The following RAI1 variants were observed in gnomAD, a reference collection of about 807,000 sequenced individuals.
The protein encoded by RAI1 is retinoic acid induced 1, also known as retinoic acid-induced protein 1.
A neutral mutation model predicts 123.8 loss-of-function variants in RAI1; 9 were observed. The observed-to-expected ratio is 0.07, with a 90% CI of 0.04 to 0.13. RAI1 has a LOEUF of 0.13. RAI1 is among the 10% of genes least tolerant of loss of function. The pLI, the probability that RAI1 is intolerant of heterozygous loss-of-function variation, is 1.00. For missense variants in RAI1, 2,256 were observed against 2,545.8 expected (o/e 0.89, Z 2.45); for synonymous variants, 1,231 against 1,127.3 (o/e 1.09, Z -1.84).
At chr17:17,712,997 G>C (rs1015633618) in intron 1 of RAI1, among the ~76,000 whole-genome samples, 12 of 152,128 alleles carry the variant, frequency 7.9e-5, no homozygotes, top group Admixed American at 2.0e-4. Context: ...GTGGGGAAAT[G>C]GGGGGTGACT....
At chr17:17,756,402 G>C (rs552168470) in intron 2 of RAI1, among the ~76,000 whole-genome samples, 4 of 152,104 alleles carry the variant, frequency 2.6e-5, no homozygotes, top group African/African-American at 9.6e-5. Context: ...TCTCCATGTT[G>C]GTCAGGCTGG....
chr17:17,789,911 G>C lies in RAI1; in HGVS notation c.-16-3022G>C, dbSNP rs1441724416. ...CAGTGGGTGGGGGGTGCCCTCCCTT[G>C]TCCCCTCTCACCACCCCTTCTCCCT... On this transcript the variant is annotated intron_variant, in intron 2 of 5. Transcript: ENST00000353383. Among the ~76,000 whole-genome samples the C allele has an allele frequency of 2.0e-5, 3 of 151,992 alleles. No individual in the cohort carries two copies. In the East Asian group the frequency reaches 5.8e-4, roughly 29 times the overall value.
rs760531449 is a variant in RAI1 at position 17,801,546 on chromosome 17, G to A, written c.5566-2210G>A. Among the ~76,000 whole-genome samples, 12 of 152,206 alleles carry A rather than the reference G, an allele frequency of 7.9e-5. No homozygotes were observed. The highest frequency in any genetic ancestry group is 5.9e-5 in the Non-Finnish European group (4 of 68,038). On this transcript the variant is annotated intron_variant, in intron 3 of 5. Coordinates refer to ENST00000353383, the MANE Select transcript of RAI1 (RefSeq NM_030665.4). The surrounding 1 kb of genome is among the most constrained non-coding windows in gnomAD (Gnocchi z 4.1). ...CAAGGGCCACTCACAGACAGCAGCC[G>A]GCTTGTGTTTCGTCATCCCTTTTGG... is the stretch of plus-strand genomic sequence containing the variant.
chr17:17,687,562 G>C (rs897512909), intron 1 of RAI1, among the ~76,000 whole-genome samples: 7 of 152,128 alleles, frequency 4.6e-5, no homozygotes, highest in African/African-American at 1.7e-4. Flanking sequence ...TCCCTTCTTG[G>C]AGACTGTGCT....
At chr17:17,745,960 C>T (rs1042056592) in intron 2 of RAI1, among the ~76,000 whole-genome samples, 23 of 152,144 alleles carry the variant, frequency 1.5e-4, no homozygotes, top group Non-Finnish European at 1.5e-5. Flanking sequence ...ATACCATGGC[C>T]GGGGACAGGG....
chr17:17,727,564 C>T (rs2142940476), intron 2 of RAI1, among the ~76,000 whole-genome samples: 1 of 152,328 alleles, frequency 6.6e-6, no homozygotes, highest in Non-Finnish European at 1.5e-5. Flanking sequence ...CTGTTGCCCG[C>T]CCCACCTGCC....
intron 1 of RAI1, among the ~76,000 whole-genome samples, chr17:17,698,241 C>T (rs1268055388): frequency 6.6e-6 from 1 of 152,234 alleles, no homozygotes; most frequent in African/African-American, 2.4e-5. Flanking sequence ...TGTGGCTGCT[C>T]TCACACACGG....
chr17:17,797,469 C>A lies in RAI1; in HGVS notation c.4521C>A (p.Ala1507=), dbSNP rs1453032967. Residue 1507 remains alanine, a synonymous_variant, in exon 3 of 6, where the codon GCC becomes GCA. Coordinates refer to ENST00000353383, the MANE Select transcript of RAI1 (RefSeq NM_030665.4). ...KKPKMEELGL[A]SQPPEGRPCQ... ...CAAAGATGGAGGAGCTGGGCCTGGC[C>A]TCCCAGCCCCCGGAGGGCAGGCCCT... 7 of 1,613,370 alleles carry A rather than the reference C, an allele frequency of 4.3e-6. No individual in the cohort carries two copies. The South Asian group carries it at 7.7e-5, about 18-fold the overall frequency.
intron 1 of RAI1, among the ~76,000 whole-genome samples, chr17:17,695,872 AC>A (rs1245352505): frequency 6.6e-6 from 1 of 151,920 alleles, no homozygotes; most frequent in Non-Finnish European, 1.5e-5. Context: ...GTCACCTCCT[AC>A]CTGTACTGAG....
Position 17,796,485 on chromosome 17 carries a change from C to T in RAI1, c.3537C>T (p.Asp1179=), listed in dbSNP as rs777665507. 32 of 1,611,276 alleles carry T rather than the reference C, an allele frequency of 2.0e-5. No individual in the cohort carries two copies. The highest frequency in any genetic ancestry group is 2.7e-5 in the Non-Finnish European group (32 of 1,179,778). The change falls in exon 3 of 6, where the codon GAC becomes GAT. Residue 1179 remains aspartate (D), a synonymous_variant. Transcript: ENST00000353383. This position sits in a 1 kb window ranked among gnomAD's most constrained non-coding sequence, Gnocchi z 5.8. ...PNCRATKKLL[D]NSHLPATFKV... ...GCCGTGCCACCAAGAAGCTCCTCGA[C>T]AACAGCCACTTGCCCGCCACATTCA...
At position 17,793,555 on chromosome 17, in the gene RAI1, T is replaced by C; in HGVS notation, c.607T>C (p.Phe203Leu). The change falls in exon 3 of 6, where the codon TTC becomes CTC. Residue 203 changes from phenylalanine (F) to leucine (L), a missense_variant. By Grantham distance (22) the Phe-to-Leu change is conservative. Around this residue, in one of 7 missense-constraint regions of RAI1, gnomAD observed 336 missense variants for 349.8 expected, o/e 0.96. Transcript: ENST00000353383. Reference protein sequence around the residue: ...LQNDIASPLPFPQGTHFPQHS... With the variant: ...LQNDIASPLPLPQGTHFPQHS... ...GAACGACATTGCCTCCCCTCTGCCC[T>C]TCCCCCAGGGTACCCACTTTCCTCA... The C allele has an allele frequency of 6.2e-7, 1 of 1,613,904 alleles. No homozygotes were observed. The highest frequency in any genetic ancestry group is 8.5e-7 in the Non-Finnish European group (1 of 1,179,996).
chr17:17,695,091 A>C (rs1453486057), intron 1 of RAI1, among the ~76,000 whole-genome samples: 1 of 152,130 alleles, frequency 6.6e-6, no homozygotes, highest in Non-Finnish European at 1.5e-5. Flanking sequence ...TCCGAGGGCC[A>C]GGATAATGGG....
chr17:17,702,682 A>G (rs1244528112), intron 1 of RAI1, among the ~76,000 whole-genome samples: 2 of 152,244 alleles, frequency 1.3e-5, no homozygotes, highest in African/African-American at 4.8e-5. Flanking sequence ...GCTCTGGTCA[A>G]GGCAAGGAAT....
intron 2 of RAI1, among the ~76,000 whole-genome samples, chr17:17,790,172 TAAC>T (rs764008858): frequency 6.6e-4 from 101 of 152,174 alleles, no homozygotes; most frequent in Non-Finnish European, 1.1e-3. Flanking sequence ...TAATAATTAA[TAAC>T]AACAGAGCCC....
At chr17:17,805,140 C>T (rs962128012) in intron 4 of RAI1, among the ~76,000 whole-genome samples, 6 of 152,190 alleles carry the variant, frequency 3.9e-5, no homozygotes, top group Non-Finnish European at 8.8e-5. Flanking sequence ...GGATTACAGG[C>T]GTGAGCCACT....
intron 2 of RAI1, among the ~76,000 whole-genome samples, chr17:17,747,261 C>A (rs2029961549): frequency 6.6e-6 from 1 of 152,022 alleles, no homozygotes; most frequent in Admixed American, 6.5e-5. Flanking sequence ...CACGTCACCT[C>A]CCCAAACCCC....
chr17:17,688,965 T>A (rs1482653777), intron 1 of RAI1, among the ~76,000 whole-genome samples: 1 of 151,598 alleles, frequency 6.6e-6, no homozygotes, highest in East Asian at 1.9e-4. Flanking sequence ...ATTATTATTT[T>A]TTTTTTTTGA....
In RAI1 at chr17:17,809,295, C is replaced by T. The variant is rs974402447; in HGVS notation, c.5660-95C>T. 5 of 1,059,522 alleles carry T rather than the reference C, an allele frequency of 4.7e-6. No individual in the cohort carries two copies. The South Asian group carries it at 5.0e-5, about 11-fold the overall frequency. 65.6% of individuals were successfully genotyped at this position (1,059,522 alleles called of 1,614,324 possible). On this transcript the variant is annotated intron_variant, in intron 4 of 5. Coordinates refer to ENST00000353383, the MANE Select transcript of RAI1 (RefSeq NM_030665.4). The surrounding 1 kb of genome is among the most constrained non-coding windows in gnomAD (Gnocchi z 4.9). ...AGAGCCCCTGCAGTCTGGAGCCTCGCGGGCAGTGCGGCTCCCCTCCTGGCT... is the reference window on the plus strand; with the variant it reads ...AGAGCCCCTGCAGTCTGGAGCCTCGTGGGCAGTGCGGCTCCCCTCCTGGCT...
At position 17,683,341 on chromosome 17, in the gene RAI1, C is replaced by T. The variant is rs749647210; in HGVS notation, c.-149+1548C>T. Among the ~76,000 whole-genome samples, 40 of 152,266 alleles carry T rather than the reference C, an allele frequency of 2.6e-4. No homozygotes were observed. In the Middle Eastern group the frequency reaches 0.01, roughly 39 times the overall value. ...GGCTCTGCTTCTCTTCCTGCCCCTGCCCCCCTCCATTCTCCATACAGTCCT... is the reference window on the plus strand; with the variant it reads ...GGCTCTGCTTCTCTTCCTGCCCCTGTCCCCCTCCATTCTCCATACAGTCCT... On this transcript the variant is annotated intron_variant, in intron 1 of 5. Coordinates refer to ENST00000353383, the MANE Select transcript of RAI1 (RefSeq NM_030665.4).
Sources: allele counts gnomAD v4.1 joint callset (sites outside exome capture counted in the v4.1 genomes callset), GRCh38; gene constraint gnomAD v4.1.1; regional missense constraint gnomAD v4.1.1; non-coding constraint Gnocchi (gnomAD v3.1); transcripts MANE v1.5; gene names NCBI Gene and HGNC (gene_info 2026-07-23, HGNC 2026-07-21).